KCNIP4: variants seen among roughly 807,000 people sequenced by gnomAD.
The protein encoded by KCNIP4 is potassium voltage-gated channel interacting protein 4, also known as Kv channel-interacting protein 4.
Under a neutral mutation model 34.0 loss-of-function variants are expected in KCNIP4, and 12 were observed. That is an observed-to-expected ratio of 0.35 (90% CI 0.23 to 0.57). The LOEUF is 0.57. Among genes scored for constraint, KCNIP4 ranks in the 20% least tolerant of loss-of-function variants. The pLI is 0.83. For missense variants in KCNIP4, 238 were observed against 311.7 expected (o/e 0.76, Z 1.78); for synonymous variants, 124 against 102.2 (o/e 1.21, Z -1.29).
At chr4:21,463,540 A>G (rs565440774) in intron 1 of KCNIP4, among the ~76,000 whole-genome samples, 42 of 151,348 alleles carry the variant, frequency 2.8e-4, no homozygotes, top group African/African-American at 4.9e-4. Flanking sequence ...CACTTAGTAT[A>G]ATATTTTTCA....
At chr4:21,015,125 C>A (rs181798860) in intron 1 of KCNIP4, among the ~76,000 whole-genome samples, 2 of 151,648 alleles carry the variant, frequency 1.3e-5, no homozygotes, top group Non-Finnish European at 2.9e-5. Context: ...AGGAACTCTG[C>A]GGAGAGAAGA....
At chr4:21,261,026 A>T (rs1761434378) in intron 1 of KCNIP4, among the ~76,000 whole-genome samples, 1 of 152,154 alleles carries the variant, frequency 6.6e-6, no homozygotes, top group Non-Finnish European at 1.5e-5. Flanking sequence ...AGAGATTTCC[A>T]TTGGCAGAGC....
intron 1 of KCNIP4, among the ~76,000 whole-genome samples, chr4:21,008,557 T>C (rs1738769056): frequency 6.6e-6 from 1 of 151,924 alleles, no homozygotes; most frequent in African/African-American, 2.4e-5. Context: ...GGAGTCTCGC[T>C]CTGTCGCCCA....
At chr4:20,807,496 A>G (rs370803233) in intron 3 of KCNIP4, among the ~76,000 whole-genome samples, 1 of 148,984 alleles carries the variant, frequency 6.7e-6, no homozygotes, top group South Asian at 2.2e-4. Context: ...TTTAATTGTT[A>G]AAAAAAAAGA....
At chr4:21,799,826 G>C (rs35719625) in intron 1 of KCNIP4, among the ~76,000 whole-genome samples, 13,848 of 152,098 alleles carry the variant, frequency 0.091, 709 homozygotes, top group Middle Eastern at 0.15. Flanking sequence ...GAGTAAACTT[G>C]ACACACTGCT....
At chr4:21,586,214 TA>T (rs1741594372) in intron 1 of KCNIP4, among the ~76,000 whole-genome samples, 1 of 152,126 alleles carries the variant, frequency 6.6e-6, no homozygotes, top group Admixed American at 6.6e-5. Context: ...TTCCAATTGT[TA>T]ATTATACACT....
chr4:21,483,468 G>A (rs890732827), intron 1 of KCNIP4, among the ~76,000 whole-genome samples: 2 of 147,868 alleles, frequency 1.4e-5, no homozygotes, highest in Non-Finnish European at 3.0e-5. Flanking sequence ...CTGTTCTCAC[G>A]ATAGAGTTCT....
intron 1 of KCNIP4, among the ~76,000 whole-genome samples, chr4:20,922,305 A>T (rs531549891): frequency 6.6e-6 from 1 of 152,362 alleles, no homozygotes; most frequent in South Asian, 2.1e-4. Context: ...GGCATCATCC[A>T]GTCCATTGAG....
At chr4:21,053,820 A>G (rs545000071) in intron 1 of KCNIP4, among the ~76,000 whole-genome samples, 1 of 152,314 alleles carries the variant, frequency 6.6e-6, no homozygotes, top group East Asian at 1.9e-4. Context: ...TACAAGATCT[A>G]TATGAGGAAA....
Position 21,634,223 on chromosome 4 carries a change from C to CAAAAAAAAAAAAAA in KCNIP4, c.61+314334_61+314347dup, listed in dbSNP as rs376741978. ...TTAGGAAAGCTACGGGTTCTTTCCT[C>CAAAAAAAAAAAAAA]AAAAAAAAAAAAAAAAAAAAAAAAC... On this transcript the variant is annotated intron_variant, in intron 1 of 8. Coordinates refer to ENST00000382152, the MANE Select transcript of KCNIP4 (RefSeq NM_025221.6). Among the ~76,000 whole-genome samples the CAAAAAAAAAAAAAA allele has an allele frequency of 4.4e-5, 5 of 112,486 alleles. No homozygotes were observed. In the South Asian group the frequency reaches 1.7e-3, roughly 38 times the overall value. The allele number at this position is 112,486 out of a possible 152,430, so 73.8% of individuals were successfully genotyped here. A position where few individuals can be genotyped will look rare whatever the true frequency, so the allele number is the denominator to read the frequency against.
rs147248572 is a variant in KCNIP4 at position 20,982,929 on chromosome 4, G to A, written c.62-100220C>T. Among the ~76,000 whole-genome samples the A allele has an allele frequency of 3.9e-4, 59 of 152,250 alleles. 1 individual carries two copies. The East Asian group carries it at 0.01, about 27-fold the overall frequency. On this transcript the variant is annotated intron_variant, in intron 1 of 8. Transcript: ENST00000382152. ...AAATATTAGCAAGTATCTCATGGAC[G>A]TCATTCTTTCACTTAGGAAGAAAGA...
At chr4:21,064,338 G>T (rs569955833) in intron 1 of KCNIP4, among the ~76,000 whole-genome samples, 3 of 151,748 alleles carry the variant, frequency 2.0e-5, no homozygotes, top group Admixed American at 6.6e-5. Context: ...TGTTCAAAGG[G>T]AATGCTTTAT....
intron 1 of KCNIP4, among the ~76,000 whole-genome samples, chr4:21,720,764 C>T (rs901455887): frequency 3.4e-5 from 5 of 148,156 alleles, no homozygotes; most frequent in South Asian, 2.2e-4. Context: ...CCCACCTATG[C>T]GGTGTTTGTT....
intron 1 of KCNIP4, among the ~76,000 whole-genome samples, chr4:21,085,932 G>A (rs1055901214): frequency 2.6e-5 from 4 of 152,122 alleles, no homozygotes; most frequent in African/African-American, 9.7e-5. Flanking sequence ...AGGTTATACT[G>A]ATGAACAAGA....
At chr4:21,444,545 T>A (rs940512365) in intron 1 of KCNIP4, among the ~76,000 whole-genome samples, 3 of 152,190 alleles carry the variant, frequency 2.0e-5, no homozygotes, top group African/African-American at 7.2e-5. Flanking sequence ...TCTCAATAGA[T>A]GCAGAAAAGG....
chr4:20,875,331 G>T (rs1428541866), intron 2 of KCNIP4, among the ~76,000 whole-genome samples: 2 of 152,290 alleles, frequency 1.3e-5, no homozygotes, highest in Middle Eastern at 6.8e-3. Flanking sequence ...CTGATGATGT[G>T]ATTCAGAAAT....
chr4:21,906,917 G>C (rs1391029516), intron 1 of KCNIP4, among the ~76,000 whole-genome samples: 1 of 152,116 alleles, frequency 6.6e-6, no homozygotes, highest in African/African-American at 2.4e-5. Context: ...TCTAAAAGTT[G>C]CTTTTCTAGC....
chr4:21,611,647 GTTTGTTTGTT>G (rs1314885818), intron 1 of KCNIP4, among the ~76,000 whole-genome samples: 2 of 151,966 alleles, frequency 1.3e-5, no homozygotes, highest in African/African-American at 4.8e-5. Flanking sequence ...TTGTTTGTTT[GTTTGTTTGTT>G]TTTGTTTTTG....
intron 1 of KCNIP4, among the ~76,000 whole-genome samples, chr4:21,786,693 G>A (rs1336070568): frequency 5.3e-5 from 8 of 150,466 alleles, no homozygotes; most frequent in South Asian, 2.1e-4. Context: ...TCAGCCTCCC[G>A]AGTAGCTGGG....
Sources: gnomAD v4.1 joint callset for allele counts (sites outside exome capture counted in the v4.1 genomes callset) on GRCh38, gnomAD v4.1.1 for gene constraint, MANE v1.5 for transcripts, NCBI Gene and HGNC (gene_info 2026-07-23, HGNC 2026-07-21) for gene names.